Variants in EGFLAM observed in about 807,000 individuals in gnomAD.
EGFLAM encodes pikachurin.
EGFLAM carries 79 observed loss-of-function variants against 113.1 expected under a neutral mutation model. The ratio of observed to expected loss-of-function variants is 0.70; its 90% confidence interval spans 0.58 to 0.84. The LOEUF (loss-of-function observed/expected upper bound fraction) is 0.84. Ranked by LOEUF, EGFLAM falls within the 40% of genes least tolerant of loss-of-function variation. The pLI is 0.00. For synonymous variants in EGFLAM, 504 were observed against 487.6 expected (o/e 1.03, Z -0.44); for missense variants, 1,265 against 1,291.6 (o/e 0.98, Z 0.32).
intron 5 of EGFLAM, among the ~76,000 whole-genome samples, chr5:38,353,825 T>C (rs1049207783): frequency 1.3e-5 from 2 of 152,182 alleles, no homozygotes; most frequent in African/African-American, 4.8e-5. Context: ...GGTGGCAAAA[T>C]GGCCAGCAGG....
At position 38,435,270 on chromosome 5, in the gene EGFLAM, C is replaced by T. The variant is rs748010131; in HGVS notation, c.2283+17C>T. On this transcript the variant is annotated intron_variant, in intron 16 of 21. Transcript: ENST00000322350. ...ATCCAGAAGGTACAGGCATCTCTTCCTCATGTTTACTGGGCCACCCAGACT... is the reference window on the plus strand; with the variant it reads ...ATCCAGAAGGTACAGGCATCTCTTCTTCATGTTTACTGGGCCACCCAGACT... 6.3e-7 allele frequency: 1 copy of T among 1,576,910 alleles called. No individual in the cohort carries two copies. The highest frequency in any genetic ancestry group is 8.7e-7 in the Non-Finnish European group (1 of 1,146,370).
chr5:38,273,370 C>G (rs945546146), intron 1 of EGFLAM, among the ~76,000 whole-genome samples: 1 of 152,224 alleles, frequency 6.6e-6, no homozygotes, highest in Non-Finnish European at 1.5e-5. Flanking sequence ...AAGATGGACT[C>G]AAGTTCTGGC....
intron 6 of EGFLAM, among the ~76,000 whole-genome samples, chr5:38,386,542 C>G (rs1483771807): frequency 6.7e-6 from 1 of 148,958 alleles, no homozygotes; most frequent in Non-Finnish European, 1.5e-5. Flanking sequence ...GAGTCTCGCT[C>G]TGTTGCCAGG....
intron 4 of EGFLAM, among the ~76,000 whole-genome samples, chr5:38,351,544 G>A (rs1561289338): frequency 6.6e-6 from 1 of 152,160 alleles, no homozygotes; most frequent in Admixed American, 6.5e-5. Flanking sequence ...ATTTTGCTAG[G>A]AAGAAAAGAC....
chr5:38,446,282 T>C (rs1344929273), intron 17 of EGFLAM, among the ~76,000 whole-genome samples: 2 of 151,860 alleles, frequency 1.3e-5, no homozygotes, highest in Non-Finnish European at 2.9e-5. Context: ...TTCCTCTGGG[T>C]CTATTCCCTC....
chr5:38,448,164 G>A (rs918509169), intron 17 of EGFLAM, 137 bp from the exon 18 acceptor site: 11 of 930,902 alleles, frequency 1.2e-5, no homozygotes, highest in Admixed American at 2.0e-5. Flanking sequence ...CCAAATATGC[G>A]TGCAGCCGAA....
intron 13 of EGFLAM, among the ~76,000 whole-genome samples, chr5:38,426,613 T>A (rs1018128966): frequency 1.3e-5 from 2 of 152,138 alleles, no homozygotes; most frequent in Admixed American, 1.3e-4. Context: ...TCAAGGCTGG[T>A]TCTTGCTCAT....
intron 3 of EGFLAM, among the ~76,000 whole-genome samples, chr5:38,349,113 A>C (rs2561114): frequency 0.43 from 65,602 of 152,070 alleles, 17,490 homozygotes; most frequent in African/African-American, 0.76. Flanking sequence ...TTCTTCTTAG[A>C]AACAATGGAC....
chr5:38,383,440 CT>C (rs1166502637), intron 6 of EGFLAM, among the ~76,000 whole-genome samples: 1 of 150,052 alleles, frequency 6.7e-6, no homozygotes, highest in African/African-American at 2.5e-5. Flanking sequence ...AACATTACCC[CT>C]GAAAACTGTT....
chr5:38,302,376 T>A (rs1352113247), intron 1 of EGFLAM, among the ~76,000 whole-genome samples: 1 of 152,162 alleles, frequency 6.6e-6, no homozygotes, highest in Admixed American at 6.5e-5. Context: ...TGCATTCACA[T>A]TTCAGCTGGG....
intron 1 of EGFLAM, among the ~76,000 whole-genome samples, chr5:38,309,201 A>G (rs1758802033): frequency 6.6e-6 from 1 of 152,238 alleles, no homozygotes; most frequent in African/African-American, 2.4e-5. Context: ...AGTACATACT[A>G]CATAATAATG....
At chr5:38,264,798 G>A (rs1757592399) in intron 1 of EGFLAM, among the ~76,000 whole-genome samples, 1 of 152,136 alleles carries the variant, frequency 6.6e-6, no homozygotes, top group South Asian at 2.1e-4. Context: ...CAAAAGCCGT[G>A]GGGCACTAGA....
At chr5:38,277,374 TA>T (rs1169934003) in intron 1 of EGFLAM, among the ~76,000 whole-genome samples, 2 of 152,130 alleles carry the variant, frequency 1.3e-5, no homozygotes, top group Admixed American at 6.5e-5. Context: ...TCCTTCACCA[TA>T]AAAAGTCTCA....
chr5:38,456,085 G>C (rs1743076344), intron 19 of EGFLAM, among the ~76,000 whole-genome samples: 1 of 152,146 alleles, frequency 6.6e-6, no homozygotes, highest in African/African-American at 2.4e-5. Flanking sequence ...GTCCCTTGGG[G>C]TGCATTGTCA....
At chr5:38,325,437 T>C (rs1245189010) in intron 1 of EGFLAM, among the ~76,000 whole-genome samples, 1 of 152,166 alleles carries the variant, frequency 6.6e-6, no homozygotes, top group African/African-American at 2.4e-5. Context: ...CAGACAAAGA[T>C]GGCAGCAATA....
intron 1 of EGFLAM, among the ~76,000 whole-genome samples, chr5:38,283,461 A>G (rs1758075600): frequency 6.6e-6 from 1 of 152,226 alleles, no homozygotes; most frequent in African/African-American, 2.4e-5. Flanking sequence ...AATAATAATG[A>G]TAATTAACAT....
Position 38,352,253 on chromosome 5 carries a change from C to G in EGFLAM, c.467C>G (p.Ser156Cys). 1 of 1,614,134 alleles carries G rather than the reference C, an allele frequency of 6.2e-7. No individual in the cohort carries two copies. The highest frequency in any genetic ancestry group is 8.5e-7 in the Non-Finnish European group (1 of 1,180,012). The change falls in exon 5 of 22, where the codon TCT becomes TGT. Residue 156 changes from serine to cysteine, a missense_variant. By Grantham distance (112) the Ser-to-Cys change is moderately radical. Coordinates refer to ENST00000322350, the MANE Select transcript of EGFLAM (RefSeq NM_152403.4). ...QQPHVIVVSDSEVALSWKPGA... is the reference protein window; with the variant it reads ...QQPHVIVVSDCEVALSWKPGA... Reference sequence around the variant, plus strand: ...CCACATGTCATTGTGGTTTCGGATTCTGAGGTGGCCCTGTCTTGGAAACCT... The same window carrying G: ...CCACATGTCATTGTGGTTTCGGATTGTGAGGTGGCCCTGTCTTGGAAACCT...
At chr5:38,361,203 A>G (rs548253730) in intron 5 of EGFLAM, among the ~76,000 whole-genome samples, 1 of 152,066 alleles carries the variant, frequency 6.6e-6, no homozygotes, top group African/African-American at 2.4e-5. Flanking sequence ...CTGTCAGGAC[A>G]GCTATTCTAC....
chr5:38,363,679 T>C (rs1037594132), intron 5 of EGFLAM, among the ~76,000 whole-genome samples: 9 of 152,248 alleles, frequency 5.9e-5, no homozygotes, highest in Admixed American at 3.9e-4. Context: ...ATTTTGATGA[T>C]CCTTTTCAAT....
Sources: allele counts gnomAD v4.1 joint callset (sites outside exome capture counted in the v4.1 genomes callset), GRCh38; gene constraint gnomAD v4.1.1; transcripts MANE v1.5; gene names NCBI Gene and HGNC (gene_info 2026-07-23, HGNC 2026-07-21).